The following LGR5 variants were observed in gnomAD, a reference collection of about 807,000 sequenced individuals.
LGR5 encodes leucine-rich repeat-containing G protein-coupled receptor 5.
In LGR5, 54 loss-of-function variants were observed where a neutral mutation model predicts 76.7. That is an observed-to-expected ratio of 0.70 (90% CI 0.57 to 0.88). LGR5 has a LOEUF of 0.88. Ranked by LOEUF, LGR5 falls within the 40% of genes least tolerant of loss-of-function variation. The pLI is 0.00. For synonymous variants in LGR5, 406 were observed against 421.9 expected (o/e 0.96, Z 0.46); for missense variants, 1,078 against 1,073.3 (o/e 1.00, Z -0.06).
Position 71,572,871 on chromosome 12 carries a change from C to T in LGR5, c.1158C>T (p.Ile386=). The T allele has an allele frequency of 6.2e-7, 1 of 1,613,736 alleles. No homozygotes were observed. Among genetic ancestry groups the T allele is most frequent in the Non-Finnish European group, 8.5e-7 (1 of 1,179,702 alleles). The stretch of plus-strand genomic sequence containing the variant: ...TCAGTGACCTAAGACATAATGAAAT[C>T]TACGAAATTAAAGTTGACACTTTCC... ...LQKIDLRHNE[I]YEIKVDTFQQ... Residue 386 remains isoleucine (I), a synonymous_variant, in exon 13 of 18, where the codon ATC becomes ATT. Coordinates refer to ENST00000266674, the MANE Select transcript of LGR5 (RefSeq NM_003667.4).
chr12:71,465,107 A>ACC (rs1226870505), intron 1 of LGR5, among the ~76,000 whole-genome samples: 3 of 152,086 alleles, frequency 2.0e-5, no homozygotes, highest in Non-Finnish European at 4.4e-5. Flanking sequence ...TCGAAGTATG[A>ACC]CCTTGGGCAA....
chr12:71,461,508 C>T (rs1205403772), intron 1 of LGR5, among the ~76,000 whole-genome samples: 1 of 152,110 alleles, frequency 6.6e-6, no homozygotes, highest in Admixed American at 6.6e-5. Flanking sequence ...ATCATGCTCC[C>T]CACTAGCATA....
intron 1 of LGR5, chr12:71,441,394 G>C (rs1871762020): frequency 6.6e-6 from 1 of 152,234 alleles, no homozygotes; most frequent in Admixed American, 6.5e-5. Flanking sequence ...GAAACATTTA[G>C]GTTTTAGATC....
At chr12:71,578,130 C>T in intron 14 of LGR5, 134 bp downstream of exon 14, 3 of 635,112 alleles carry the variant, frequency 4.7e-6, no homozygotes, top group Non-Finnish European at 8.3e-6. Flanking sequence ...ATGCCTAGAG[C>T]TTGTCAGAGC....
intron 1 of LGR5, among the ~76,000 whole-genome samples, chr12:71,454,663 G>C (rs765270527): frequency 2.0e-5 from 3 of 152,068 alleles, no homozygotes; most frequent in Non-Finnish European, 4.4e-5. Flanking sequence ...AGGACTACCT[G>C]CCAAGCATAG....
intron 3 of LGR5, among the ~76,000 whole-genome samples, chr12:71,524,760 C>T (rs1182026038): frequency 6.6e-6 from 1 of 151,982 alleles, no homozygotes; most frequent in East Asian, 1.9e-4. Context: ...TTCCCTTTCC[C>T]TTTGTGTTAT....
chr12:71,442,709 G>A (rs1181603488), intron 1 of LGR5, among the ~76,000 whole-genome samples: 2 of 152,180 alleles, frequency 1.3e-5, no homozygotes, highest in Non-Finnish European at 2.9e-5. Flanking sequence ...GGGTTTGGGG[G>A]CTTTGTTGGT....
Position 71,584,744 on chromosome 12 carries a change from G to A in LGR5, c.*10G>A. On this transcript the variant is annotated 3_prime_UTR_variant, in exon 18 of 18. Transcript: ENST00000266674. ...TGTCCCATGTCTCTAATTAATATGT[G>A]AAGGAAAATGTTTTCAAAGGTTGAG... The A allele has an allele frequency of 5.0e-6, 8 of 1,601,202 alleles. No individual in the cohort carries two copies. The highest frequency in any genetic ancestry group is 6.8e-6 in the Non-Finnish European group (8 of 1,170,980).
chr12:71,518,241 T>TG (rs1875543257), intron 2 of LGR5, among the ~76,000 whole-genome samples: 1 of 151,970 alleles, frequency 6.6e-6, no homozygotes, highest in East Asian at 1.9e-4. Context: ...AACAAGTATA[T>TG]GAAAAAAAAG....
chr12:71,509,208 G>A (rs1875019593), intron 2 of LGR5, among the ~76,000 whole-genome samples: 1 of 152,160 alleles, frequency 6.6e-6, no homozygotes, highest in South Asian at 2.1e-4. Flanking sequence ...GGCCTCAGAG[G>A]AGAATGGTGC....
chr12:71,531,979 T>C (rs1876340330), intron 3 of LGR5, among the ~76,000 whole-genome samples: 1 of 147,414 alleles, frequency 6.8e-6, no homozygotes, highest in African/African-American at 2.7e-5. Flanking sequence ...AAAAGCTATC[T>C]GAAACTCTCA....
intron 2 of LGR5, among the ~76,000 whole-genome samples, chr12:71,520,607 T>C (rs1166576034): frequency 1.3e-5 from 2 of 149,384 alleles, no homozygotes; most frequent in African/African-American, 4.9e-5. Flanking sequence ...CTCAGCAAAG[T>C]AACACAAGAA....
At chr12:71,539,495 T>C (rs1876767305) in intron 4 of LGR5, among the ~76,000 whole-genome samples, 1 of 152,236 alleles carries the variant, frequency 6.6e-6, no homozygotes, top group Non-Finnish European at 1.5e-5. Flanking sequence ...TTTTGTTTTT[T>C]GAGTTGGAGT....
intron 5 of LGR5, among the ~76,000 whole-genome samples, chr12:71,554,083 A>C (rs1304652489): frequency 6.6e-6 from 1 of 152,142 alleles, no homozygotes; most frequent in Non-Finnish European, 1.5e-5. Context: ...CTCTGTCTCA[A>C]AAAAAAAGAA....
intron 7 of LGR5, among the ~76,000 whole-genome samples, chr12:71,560,534 G>A (rs917480134): frequency 6.6e-6 from 1 of 152,184 alleles, no homozygotes; most frequent in African/African-American, 2.4e-5. Context: ...GGTCATGCCT[G>A]TAATCCCCGT....
chr12:71,452,604 A>C (rs11178804), intron 1 of LGR5, among the ~76,000 whole-genome samples: 1 of 152,172 alleles, frequency 6.6e-6, no homozygotes, highest in East Asian at 1.9e-4. Flanking sequence ...CCAAGACAGA[A>C]GGAAAAAAAT....
At chr12:71,561,726 T>C in intron 7 of LGR5, 55 bp from the exon 8 acceptor site, 1 of 1,026,884 alleles carries the variant, frequency 9.7e-7, no homozygotes, top group Non-Finnish European at 1.5e-6. Flanking sequence ...TGGGGGCCTC[T>C]ATTAAATAAT....
chr12:71,469,864 G>A (rs1299293614), intron 1 of LGR5, among the ~76,000 whole-genome samples: 2 of 152,162 alleles, frequency 1.3e-5, no homozygotes, highest in Non-Finnish European at 2.9e-5. Context: ...CTTGTAGTGA[G>A]TTTCCTGCTC....
At chr12:71,570,271 G>A (rs746046531) in intron 11 of LGR5, among the ~76,000 whole-genome samples, 6 of 152,230 alleles carry the variant, frequency 3.9e-5, no homozygotes, top group Middle Eastern at 3.4e-3. Flanking sequence ...GTTTACCTAC[G>A]TAACAAACCT....
Sources: allele counts gnomAD v4.1 joint callset (sites outside exome capture counted in the v4.1 genomes callset), GRCh38; gene constraint gnomAD v4.1.1; transcripts MANE v1.5; gene names NCBI Gene and HGNC (gene_info 2026-07-23, HGNC 2026-07-21).